Variants in ADGRG6 observed in about 807,000 individuals in gnomAD.
The protein encoded by ADGRG6 is G-protein coupled receptor 126.
In ADGRG6, 84 loss-of-function variants were observed where a neutral mutation model predicts 142.4. The observed-to-expected ratio is 0.59, with a 90% CI of 0.49 to 0.71. ADGRG6 has a LOEUF of 0.71. Ranked by LOEUF, ADGRG6 falls within the 30% of genes least tolerant of loss-of-function variation. The pLI is 0.00. For synonymous variants in ADGRG6, 521 were observed against 520.5 expected (o/e 1.00, Z -0.01); for missense variants, 1,367 against 1,466.6 (o/e 0.93, Z 1.11).
intron 5 of ADGRG6, among the ~76,000 whole-genome samples, chr6:142,383,477 G>A (rs1396741399): frequency 2.0e-5 from 3 of 152,070 alleles, no homozygotes; most frequent in Non-Finnish European, 4.4e-5. Context: ...TGTTAATGGA[G>A]ATCTAGGTCT....
At chr6:142,426,033 G>T (rs1646634260) in intron 22 of ADGRG6, among the ~76,000 whole-genome samples, 1 of 152,130 alleles carries the variant, frequency 6.6e-6, no homozygotes, top group South Asian at 2.1e-4. Flanking sequence ...TACAATTCAA[G>T]ATGAGACTTG....
intron 17 of ADGRG6, among the ~76,000 whole-genome samples, chr6:142,410,470 A>C (rs1776023481): frequency 7.2e-6 from 1 of 139,374 alleles, no homozygotes; most frequent in Middle Eastern, 3.6e-3. Context: ...GGGATGAATC[A>C]ATCAGTAGGC....
At chr6:142,331,246 T>C (rs1779044070) in intron 2 of ADGRG6, among the ~76,000 whole-genome samples, 1 of 152,138 alleles carries the variant, frequency 6.6e-6, no homozygotes. Flanking sequence ...TCTGAGAAGA[T>C]ATGCTGCCTC....
chr6:142,330,348 A>C (rs1237147379), intron 2 of ADGRG6, among the ~76,000 whole-genome samples: 1 of 152,206 alleles, frequency 6.6e-6, no homozygotes, highest in African/African-American at 2.4e-5. Flanking sequence ...CAAGTTAAAA[A>C]AAAATGAAAT....
At chr6:142,393,073 G>A (rs2114980603) in intron 8 of ADGRG6, 73 bp downstream of exon 8, 1 of 809,508 alleles carries the variant, frequency 1.2e-6, no homozygotes, top group Admixed American at 2.0e-5. Flanking sequence ...CTCTCTGATT[G>A]TACCAAAATA....
At chr6:142,394,502 C>CA (rs1365811037) in intron 9 of ADGRG6, among the ~76,000 whole-genome samples, 7 of 148,610 alleles carry the variant, frequency 4.7e-5, no homozygotes, top group Admixed American at 1.3e-4. Context: ...GTAAAACAAA[C>CA]AAAAAAACCC....
At chr6:142,375,881 T>G (rs539459495) in intron 4 of ADGRG6, among the ~76,000 whole-genome samples, 1 of 152,288 alleles carries the variant, frequency 6.6e-6, no homozygotes, top group East Asian at 1.9e-4. Context: ...TTAAACATCC[T>G]AGCCTTAATA....
chr6:142,405,900 T>C lies in ADGRG6; in HGVS notation c.2268+72T>C. 4.5e-6 allele frequency: 5 copies of C among 1,117,138 alleles called. No individual in the cohort carries two copies. The South Asian group carries it at 6.8e-5, about 15-fold the overall frequency. 69.2% of individuals were successfully genotyped at this position (1,117,138 alleles called of 1,614,324 possible). Reference sequence around the variant, plus strand: ...TCTTTGAGCAAAGAAAACAAAACTTTAGATTCTGTTGAAATATATCAGAAG... The same window carrying C: ...TCTTTGAGCAAAGAAAACAAAACTTCAGATTCTGTTGAAATATATCAGAAG... On this transcript the variant is annotated intron_variant, in intron 15 of 24. Transcript: ENST00000367609.
Position 142,415,845 on chromosome 6 carries a change from G to A in ADGRG6, c.2719G>A (p.Ala907Thr). ...CAAAATCTTGATGAACCTGAGCACA[G>A]CCCTGCTGTTCCTGAATCTCCTCTT... ...PSKILMNLST[A>T]LLFLNLLFLL... The change falls in exon 20 of 25, where the codon GCC (alanine) becomes ACC (threonine). Residue 907 changes from alanine to threonine, a missense_variant. By Grantham distance (58) the Ala-to-Thr change is moderately conservative. Coordinates refer to ENST00000367609, the MANE Select transcript of ADGRG6 (RefSeq NM_198569.3). 1 of 1,612,408 alleles carries A rather than the reference G, an allele frequency of 6.2e-7. No homozygotes were observed. Among genetic ancestry groups the A allele is most frequent in the Non-Finnish European group, 8.5e-7 (1 of 1,178,680 alleles).
At chr6:142,311,106 G>A (rs1353871486) in intron 2 of ADGRG6, among the ~76,000 whole-genome samples, 1 of 151,696 alleles carries the variant, frequency 6.6e-6, no homozygotes, top group Non-Finnish European at 1.5e-5. Flanking sequence ...ATGTTTTTAG[G>A]CTAAAGAAAA....
chr6:142,437,679 A>C (rs1029204147), intron 23 of ADGRG6, 144 bp downstream of exon 23: 4 of 602,080 alleles, frequency 6.6e-6, no homozygotes, highest in South Asian at 1.9e-5. Flanking sequence ...GAATCATAGA[A>C]TATCAGGGCT....
At chr6:142,378,382 C>T (rs1457931652) in intron 4 of ADGRG6, among the ~76,000 whole-genome samples, 1 of 152,160 alleles carries the variant, frequency 6.6e-6, no homozygotes, top group South Asian at 2.1e-4. Flanking sequence ...TCCAGGGTCT[C>T]CTCTATTGCA....
At position 142,390,303 on chromosome 6, in the gene ADGRG6, G is replaced by C. The variant is rs1271357229; in HGVS notation, c.1268G>C (p.Arg423Pro). 6.2e-7 allele frequency: 1 copy of C among 1,600,800 alleles called. No individual in the cohort carries two copies. Residue 423 changes from arginine to proline, a missense_variant, in exon 7 of 25, where the codon CGT (arginine) becomes CCT (proline). This residue lies in a region of ADGRG6 where 737 missense variants were observed against 746.5 expected (regional missense o/e 0.99). Transcript: ENST00000367609. The part of the protein sequence containing the change: ...RISVVIQNIL[R>P]HPEVKVQSKV... ...TCCGTAGTGATTCAGAACATCCTTC[G>C]TCACCCTGAGGTAAAAGTACAGAGC...
At chr6:142,391,434 TAC>T (rs35253608) in intron 7 of ADGRG6, among the ~76,000 whole-genome samples, 30,640 of 132,130 alleles carry the variant, frequency 0.23, 3,342 homozygotes, top group East Asian at 0.5. Context: ...AAGTGGTAGC[TAC>T]ACACACACAC....
intron 15 of ADGRG6, among the ~76,000 whole-genome samples, chr6:142,406,509 T>C (rs573654629): frequency 1.3e-4 from 20 of 152,302 alleles, no homozygotes; most frequent in Non-Finnish European, 2.4e-4. Context: ...TATTGAACAA[T>C]GTGACTTATA....
In ADGRG6 at chr6:142,400,484, G is replaced by C; in HGVS notation, c.1568-1G>C. ...TCATGCTGGTTCTTATGTTCATATA[G>C]GTCATTGTCTTGCCATGGAGGAACC... On this transcript the variant is annotated splice_acceptor_variant, in intron 10 of 24. Transcript: ENST00000367609. LOFTEE classifies it high-confidence loss of function. 1 of 1,399,296 alleles carries C rather than the reference G, an allele frequency of 7.1e-7. No homozygotes were observed. The allele number at this position is 1,399,296 out of a possible 1,614,324, so 86.7% of individuals were successfully genotyped here.
chr6:142,317,393 T>C (rs1384708544), intron 2 of ADGRG6, among the ~76,000 whole-genome samples: 1 of 152,038 alleles, frequency 6.6e-6, no homozygotes, highest in Non-Finnish European at 1.5e-5. Context: ...ATTGAATTGC[T>C]TTCCAAGCTG....
intron 6 of ADGRG6, among the ~76,000 whole-genome samples, chr6:142,389,379 T>C (rs540258545): frequency 2.6e-5 from 4 of 151,950 alleles, no homozygotes; most frequent in Non-Finnish European, 5.9e-5. Context: ...TGAAGAAAGA[T>C]GATCAACAAA....
rs377369285 is a variant in ADGRG6, at chr6:142,308,012, C to T, written c.3-1532C>T. Among the ~76,000 whole-genome samples the T allele has an allele frequency of 1.3e-4, 20 of 152,096 alleles. 1 individual carries two copies. The East Asian group carries it at 1.4e-3, about 10-fold the overall frequency. ...GCCCAGGTGATCCCAGAAGTGACCA[C>T]AAAGTCAATTGATTGGTGTTGGCAT... On this transcript the variant is annotated intron_variant, in intron 1 of 24. Transcript: ENST00000367609.
Sources: allele counts gnomAD v4.1 joint callset (sites outside exome capture counted in the v4.1 genomes callset), GRCh38; gene constraint gnomAD v4.1.1; regional missense constraint gnomAD v4.1.1; transcripts MANE v1.5; gene names NCBI Gene and HGNC (gene_info 2026-07-23, HGNC 2026-07-21).